Variants in PTPRN2 observed in about 807,000 individuals in gnomAD.
The protein encoded by PTPRN2 is protein tyrosine phosphatase receptor type N2, also known as receptor-type tyrosine-protein phosphatase N2.
PTPRN2 carries 74 observed loss-of-function variants against 118.8 expected under a neutral mutation model. The observed-to-expected ratio is 0.62, with a 90% confidence interval of 0.52 to 0.76. The LOEUF is 0.76. Ranked by LOEUF, PTPRN2 falls within the 30% of genes least tolerant of loss-of-function variation. PTPRN2 has a pLI of 0.00. For missense variants in PTPRN2, 1,481 were observed against 1,394.4 expected (o/e 1.06, Z -0.99); for synonymous variants, 641 against 608.0 (o/e 1.05, Z -0.80).
intron 2 of PTPRN2, among the ~76,000 whole-genome samples, chr7:158,371,656 A>C (rs1490311416): frequency 1.3e-5 from 2 of 152,180 alleles, no homozygotes; most frequent in African/African-American, 2.4e-5. Flanking sequence ...AAATGCACAC[A>C]CCAAGTGACC....
At chr7:158,446,388 G>T (rs1361190501) in intron 2 of PTPRN2, among the ~76,000 whole-genome samples, 7 of 152,170 alleles carry the variant, frequency 4.6e-5, no homozygotes, top group Non-Finnish European at 8.8e-5. Flanking sequence ...GTCGGACCAC[G>T]CTGGGCCCAC....
intron 10 of PTPRN2, among the ~76,000 whole-genome samples, chr7:158,083,686 G>A (rs759526085): frequency 2.0e-5 from 3 of 152,228 alleles, no homozygotes; most frequent in African/African-American, 7.2e-5. Context: ...GCGTGGGGCT[G>A]TGGTCATCAC....
At chr7:158,465,917 G>A (rs1247066332) in intron 2 of PTPRN2, among the ~76,000 whole-genome samples, 1 of 152,196 alleles carries the variant, frequency 6.6e-6, no homozygotes, top group East Asian at 1.9e-4. Context: ...CACACGTGCT[G>A]AGCAGCTTTA....
intron 12 of PTPRN2, among the ~76,000 whole-genome samples, chr7:157,798,539 A>G (rs548961488): frequency 5.3e-5 from 8 of 152,068 alleles, no homozygotes; most frequent in Non-Finnish European, 1.0e-4. Context: ...ACATGGACAC[A>G]CACGGACACA....
chr7:157,714,549 T>C (rs1239831520), intron 12 of PTPRN2, among the ~76,000 whole-genome samples: 1 of 152,212 alleles, frequency 6.6e-6, no homozygotes, highest in African/African-American at 2.4e-5. Flanking sequence ...TGATTTTTAT[T>C]GAGTAAAATG....
At chr7:158,239,867 G>T (rs1795807290) in intron 3 of PTPRN2, among the ~76,000 whole-genome samples, 1 of 152,214 alleles carries the variant, frequency 6.6e-6, no homozygotes, top group African/African-American at 2.4e-5. Flanking sequence ...ACTGGAGGAT[G>T]CTATAAACAA....
intron 1 of PTPRN2, among the ~76,000 whole-genome samples, chr7:158,554,110 C>CA (rs1266569942): frequency 6.6e-6 from 1 of 152,114 alleles, no homozygotes. Flanking sequence ...TCTAAAAATA[C>CA]AAAAAATTAG....
intron 3 of PTPRN2, among the ~76,000 whole-genome samples, chr7:158,252,620 C>T (rs1381098221): frequency 6.6e-6 from 1 of 152,126 alleles, no homozygotes; most frequent in Non-Finnish European, 1.5e-5. Flanking sequence ...CACCCCATCT[C>T]CAGGCACCTG....
intron 2 of PTPRN2, among the ~76,000 whole-genome samples, chr7:158,443,139 G>A (rs1817473325): frequency 6.6e-6 from 1 of 151,256 alleles, no homozygotes; most frequent in Non-Finnish European, 1.5e-5. Flanking sequence ...CAAATGTCTT[G>A]TTCCCACTAG....
At chr7:158,297,895 G>A (rs1800609899) in intron 3 of PTPRN2, among the ~76,000 whole-genome samples, 1 of 152,196 alleles carries the variant, frequency 6.6e-6, no homozygotes, top group African/African-American at 2.4e-5. Flanking sequence ...CAAGTTGACT[G>A]AAAATTTAAG....
chr7:158,553,204 C>T (rs942490381), intron 1 of PTPRN2, among the ~76,000 whole-genome samples: 1 of 150,134 alleles, frequency 6.7e-6, no homozygotes, highest in African/African-American at 2.5e-5. Context: ...CACTACCTTC[C>T]CCTATACATG....
chr7:158,441,374 CAGT>C (rs1205889501), intron 2 of PTPRN2, among the ~76,000 whole-genome samples: 1 of 98,736 alleles, frequency 1.0e-5, no homozygotes, highest in African/African-American at 4.2e-5. Flanking sequence ...GCAGTGGTGG[CAGT>C]GGTGGTGGTG....
At chr7:158,498,243 G>A (rs1310109958) in intron 1 of PTPRN2, among the ~76,000 whole-genome samples, 1 of 152,202 alleles carries the variant, frequency 6.6e-6, no homozygotes, top group Admixed American at 6.5e-5. Context: ...AAGAAGGGCA[G>A]CGAGCTGGGT....
intron 2 of PTPRN2, 81 bp downstream of exon 2, chr7:158,489,654 G>GGGGCTCACCAGGCT: frequency 7.1e-7 from 1 of 1,415,842 alleles, no homozygotes; most frequent in Non-Finnish European, 9.4e-7. Flanking sequence ...GGCCAGCGGC[G>GGGGCTCACCAGGCT]GGGCTCACCA....
chr7:157,777,254 C>A (rs142778388), intron 12 of PTPRN2, among the ~76,000 whole-genome samples: 1 of 152,328 alleles, frequency 6.6e-6, no homozygotes, highest in East Asian at 1.9e-4. Flanking sequence ...GAAACACATA[C>A]AAGTGGAATT....
intron 2 of PTPRN2, among the ~76,000 whole-genome samples, chr7:158,364,351 C>T (rs1809264426): frequency 6.7e-6 from 1 of 149,814 alleles, no homozygotes; most frequent in Admixed American, 6.7e-5. Context: ...TCTCGCCATG[C>T]TTCCCCCAGC....
intron 12 of PTPRN2, among the ~76,000 whole-genome samples, chr7:157,730,184 C>A (rs1799813718): frequency 2.0e-5 from 2 of 101,286 alleles, no homozygotes; most frequent in Admixed American, 2.5e-4. Context: ...AGGCCACCAC[C>A]CCTGCCCCCC....
intron 14 of PTPRN2, among the ~76,000 whole-genome samples, chr7:157,652,253 A>G (rs1008629403): frequency 6.6e-6 from 1 of 152,196 alleles, no homozygotes; most frequent in African/African-American, 2.4e-5. Context: ...TTCCTTCAGC[A>G]CAACCCCTTC....
At chr7:158,456,542 G>A (rs1733166) in intron 2 of PTPRN2, among the ~76,000 whole-genome samples, 79,571 of 130,392 alleles carry the variant, frequency 0.61, 21,251 homozygotes, top group Non-Finnish European at 0.61. Context: ...ATCGCTCTGC[G>A]GAGAACATAA....
Sources: gnomAD v4.1 joint callset for allele counts (sites outside exome capture counted in the v4.1 genomes callset) on GRCh38, gnomAD v4.1.1 for gene constraint, MANE v1.5 for transcripts, NCBI Gene and HGNC (gene_info 2026-07-23, HGNC 2026-07-21) for gene names.